The following CHD9 variants were observed in gnomAD, a reference collection of about 807,000 sequenced individuals.
CHD9 encodes ATP-dependent chromatin remodeler CHD9.
In CHD9, 77 loss-of-function variants were observed where a neutral mutation model predicts 316.1. That is an observed-to-expected ratio of 0.24 (90% confidence interval 0.20 to 0.29). The LOEUF (loss-of-function observed/expected upper bound fraction) is 0.29, where lower values mean the gene tolerates loss of function less well. Among genes scored for constraint, CHD9 ranks in the 10% least tolerant of loss-of-function variants. CHD9 has a pLI of 1.00. For missense variants in CHD9, 2,763 were observed against 3,438.1 expected, an observed-to-expected ratio of 0.80 and a Z score of 4.91; for synonymous variants, 1,129 against 1,158.3, an observed-to-expected ratio of 0.97 and a Z score of 0.51.
intron 1 of CHD9, among the ~76,000 whole-genome samples, chr16:53,146,077 G>C (rs1156765453): frequency 6.6e-6 from 1 of 151,460 alleles, no homozygotes; most frequent in African/African-American, 2.4e-5. Context: ...GAGAAATGGT[G>C]GGTAATGGGT....
intron 8 of CHD9, among the ~76,000 whole-genome samples, chr16:53,229,647 G>A (rs1446719252): frequency 2.0e-5 from 3 of 152,042 alleles, no homozygotes; most frequent in African/African-American, 7.2e-5. Flanking sequence ...AAACAAAATA[G>A]TCACAAAAAT....
At chr16:53,197,103 G>A (rs760836635) in intron 2 of CHD9, among the ~76,000 whole-genome samples, 1 of 152,100 alleles carries the variant, frequency 6.6e-6, no homozygotes, top group Non-Finnish European at 1.5e-5. Context: ...TAAAAATAAG[G>A]GAGTAGAAGA....
At chr16:53,089,874 C>T (rs2035786738) in intron 1 of CHD9, among the ~76,000 whole-genome samples, 1 of 152,156 alleles carries the variant, frequency 6.6e-6, no homozygotes, top group Admixed American at 6.5e-5. Flanking sequence ...ATGACTGATC[C>T]CCTTTACACC....
Position 53,288,110 on chromosome 16 carries a change from T to C in CHD9, c.5247+96T>C, listed in dbSNP as rs142490451. 686 of 891,512 alleles carry C rather than the reference T, an allele frequency of 7.7e-4. No homozygotes were observed. In the African/African-American group the frequency reaches 9.5e-3, roughly 12 times the overall value. 55.2% of individuals were successfully genotyped at this position (891,512 alleles called of 1,614,324 possible). On this transcript the variant is annotated intron_variant, in intron 27 of 38. Transcript: ENST00000447540. Reference sequence around the variant, plus strand: ...TTTGCATTATATTTTGTTTTCATTATACATAATTCTTCTGTTCCTCAGATT... The same window carrying C: ...TTTGCATTATATTTTGTTTTCATTACACATAATTCTTCTGTTCCTCAGATT...
In CHD9 at chr16:53,306,240, G is replaced by A. The variant is rs2055958397; in HGVS notation, c.6623G>A (p.Ser2208Asn). The A allele has an allele frequency of 1.3e-6, 2 of 1,537,434 alleles. No individual in the cohort carries two copies. Among genetic ancestry groups the A allele is most frequent in the South Asian group, 1.3e-5 (1 of 77,520 alleles). ...SDEEEAQKRE[S>N]TTHMKAYDEE... is the part of the protein sequence containing the mutation. ...TGATTATAATTGTTTTTAGCAGAAA[G>A]TACTACTCACATGAAAGCCTATGAT... Residue 2208 changes from serine to asparagine, a missense_variant, in exon 32 of 39, where the codon AGT (serine) becomes AAT (asparagine). This residue lies in a region of CHD9 where 663 missense variants were observed against 751.2 expected (regional missense o/e 0.88). Coordinates refer to ENST00000447540, the MANE Select transcript of CHD9 (RefSeq NM_001308319.2).
At chr16:53,226,276 A>G in intron 4 of CHD9, 90 bp from the exon 5 acceptor site, 1 of 797,946 alleles carries the variant, frequency 1.3e-6, no homozygotes, top group Non-Finnish European at 1.9e-6. Context: ...AAAATTTAAT[A>G]TACAAAATTG....
At chr16:53,256,389 T>C (rs572518137) in intron 19 of CHD9, among the ~76,000 whole-genome samples, 3 of 143,258 alleles carry the variant, frequency 2.1e-5, no homozygotes, top group African/African-American at 7.8e-5. Context: ...TTCTTTTTTT[T>C]TTTTTTTTTT....
Position 53,245,362 on chromosome 16 carries a change from C to A in CHD9, c.3081C>A (p.Thr1027=), listed in dbSNP as rs997841862. ...AACACAAGGTGCTTTTGACTGGCAC[C>A]CCTCTCCAAAATACAGTTGAAGAAC... The part of the protein sequence containing the change: ...NLEHKVLLTG[T]PLQNTVEELF... The change falls in exon 14 of 39, where the codon ACC becomes ACA. Residue 1027 remains threonine (T), a synonymous_variant. Coordinates refer to ENST00000447540, the MANE Select transcript of CHD9 (RefSeq NM_001308319.2). This position sits in a 1 kb window ranked among gnomAD's most constrained non-coding sequence, Gnocchi z 4.1. 7.1e-6 allele frequency: 11 copies of A among 1,555,260 alleles called. No homozygotes were observed. The highest frequency in any genetic ancestry group is 1.4e-5 in the African/African-American group (1 of 73,232).
chr16:53,134,962 T>C (rs570570867), intron 1 of CHD9, among the ~76,000 whole-genome samples: 1 of 152,246 alleles, frequency 6.6e-6, no homozygotes, highest in African/African-American at 2.4e-5. Context: ...CAACTTATGA[T>C]CAGTTCAGTG....
intron 1 of CHD9, among the ~76,000 whole-genome samples, chr16:53,137,894 AATG>A (rs2039837426): frequency 6.6e-6 from 1 of 152,212 alleles, no homozygotes; most frequent in Non-Finnish European, 1.5e-5. Flanking sequence ...ATGTGTGAAG[AATG>A]ATGAAATATA....
chr16:53,226,447 G>T lies in CHD9; in HGVS notation c.1978G>T (p.Gly660Cys). 2 of 1,606,638 alleles carry T rather than the reference G, an allele frequency of 1.2e-6. No homozygotes were observed. The highest frequency in any genetic ancestry group is 1.7e-6 in the Non-Finnish European group (2 of 1,177,932). ...EGKQSEEEVK[G>C]SMKIKKNSAP... is the part of the protein sequence containing the mutation. ...GAAGCAATCTGAAGAAGAGGTTAAAGGTTCTATGAAAATAAAAAAGAATTC... is the reference window on the plus strand; with the variant it reads ...GAAGCAATCTGAAGAAGAGGTTAAATGTTCTATGAAAATAAAAAAGAATTC... Residue 660 changes from glycine (G) to cysteine (C), a missense_variant, in exon 5 of 39, where the codon GGT becomes TGT. Physicochemically the swap from Gly to Cys is radical, Grantham distance 159 (BLOSUM62 -3). Transcript: ENST00000447540.
chr16:53,130,559 G>T (rs999935521), intron 1 of CHD9, among the ~76,000 whole-genome samples: 1 of 149,984 alleles, frequency 6.7e-6, no homozygotes, highest in South Asian at 2.1e-4. Flanking sequence ...TGCCGGGGGA[G>T]CCCGGACCAC....
At chr16:53,229,755 C>CT (rs559860768) in intron 8 of CHD9, among the ~76,000 whole-genome samples, 318 of 152,366 alleles carry the variant, frequency 2.1e-3, no homozygotes, top group Non-Finnish European at 2.7e-3. Flanking sequence ...GTCCCTCTCT[C>CT]TGTCATACAC....
intron 23 of CHD9, among the ~76,000 whole-genome samples, 199 bp from the exon 24 acceptor site, chr16:53,274,014 G>A (rs1037446104): frequency 2.0e-5 from 3 of 152,182 alleles, no homozygotes; most frequent in South Asian, 4.1e-4. Flanking sequence ...TATCTTACTT[G>A]TATATGAAAT....
intron 11 of CHD9, among the ~76,000 whole-genome samples, chr16:53,237,623 T>G (rs1161998264): frequency 6.6e-6 from 1 of 152,138 alleles, no homozygotes; most frequent in Admixed American, 6.6e-5. Context: ...AAAATGCTAC[T>G]CATTACTGAC....
At chr16:53,161,055 C>T (rs926924009) in intron 2 of CHD9, among the ~76,000 whole-genome samples, 2 of 151,962 alleles carry the variant, frequency 1.3e-5, no homozygotes, top group African/African-American at 4.8e-5. Context: ...GCTCCACTTA[C>T]CAGCCTGGGT....
chr16:53,303,743 A>G lies in CHD9; in HGVS notation c.5737A>G (p.Ile1913Val). ...KEELVDPNIF[I>V]QPITEERASR... ...AGAATTGGTGGATCCAAATATTTTT[A>G]TCCAGCCCATCACAGAAGAACGTGC... Residue 1913 changes from isoleucine to valine, a missense_variant, in exon 31 of 39, where the codon ATC becomes GTC. Physicochemically the swap from Ile to Val is conservative, Grantham distance 29. This residue lies in a region of CHD9 where 663 missense variants were observed against 751.2 expected (regional missense o/e 0.88). Coordinates refer to ENST00000447540, the MANE Select transcript of CHD9 (RefSeq NM_001308319.2). 6.2e-7 allele frequency: 1 copy of G among 1,604,104 alleles called. No individual in the cohort carries two copies. Among genetic ancestry groups the G allele is most frequent in the East Asian group, 2.2e-5 (1 of 44,680 alleles).
chr16:53,304,171 G>A lies in CHD9; in HGVS notation c.6165G>A (p.Glu2055=), dbSNP rs1206526406. The change falls in exon 31 of 39, where the codon GAG becomes GAA. Residue 2055 remains glutamate, a synonymous_variant. Coordinates refer to ENST00000447540, the MANE Select transcript of CHD9 (RefSeq NM_001308319.2). ...MKVKSENLKE[E]PQSSEEESMS... is the part of the protein sequence containing the mutation. ...TTAAAAGTGAAAACCTTAAAGAGGAGCCTCAGTCTTCTGAAGAAGAATCTA... is the reference window on the plus strand; with the variant it reads ...TTAAAAGTGAAAACCTTAAAGAGGAACCTCAGTCTTCTGAAGAAGAATCTA... 6.2e-7 allele frequency: 1 copy of A among 1,612,528 alleles called. No individual in the cohort carries two copies. The highest frequency in any genetic ancestry group is 8.5e-7 in the Non-Finnish European group (1 of 1,179,330).
At chr16:53,182,501 T>C (rs918390762) in intron 2 of CHD9, among the ~76,000 whole-genome samples, 3 of 152,212 alleles carry the variant, frequency 2.0e-5, no homozygotes, top group African/African-American at 7.2e-5. Context: ...AGATACTTCA[T>C]GAAAATTGAC....
Sources: allele counts gnomAD v4.1 joint callset (sites outside exome capture counted in the v4.1 genomes callset), GRCh38; gene constraint gnomAD v4.1.1; regional missense constraint gnomAD v4.1.1; non-coding constraint Gnocchi (gnomAD v3.1); transcripts MANE v1.5; gene names NCBI Gene and HGNC (gene_info 2026-07-23, HGNC 2026-07-21).